The following CHST11 variants were observed in gnomAD, a reference collection of about 807,000 sequenced individuals.
CHST11 encodes C4S-1.
CHST11 carries 9 observed loss-of-function variants against 30.4 expected under a neutral mutation model. The observed-to-expected ratio is 0.30, with a 90% CI of 0.18 to 0.52. CHST11 has a LOEUF of 0.52. CHST11 is among the 20% of genes least tolerant of loss of function. CHST11 has a pLI of 0.97. For missense variants in CHST11, 348 were observed against 460.6 expected (o/e 0.76, Z 2.24); for synonymous variants, 152 against 187.8 (o/e 0.81, Z 1.56).
At chr12:104,470,627 A>G (rs1185825607) in intron 1 of CHST11, among the ~76,000 whole-genome samples, 2 of 152,202 alleles carry the variant, frequency 1.3e-5, no homozygotes, top group Admixed American at 1.3e-4. Context: ...CTTACCAAAT[A>G]CTTGCTCTGT....
At chr12:104,504,799 C>A (rs2037887362) in intron 1 of CHST11, among the ~76,000 whole-genome samples, 1 of 152,034 alleles carries the variant, frequency 6.6e-6, no homozygotes, top group African/African-American at 2.4e-5. Flanking sequence ...GACACCCATC[C>A]CCCTGTCTTG....
At position 104,757,241 on chromosome 12, in the gene CHST11, A is replaced by G; in HGVS notation, c.497A>G (p.Gln166Arg). Residue 166 changes from glutamine (Q) to arginine (R), a missense_variant, in exon 3 of 3, where the codon CAG (glutamine) becomes CGG (arginine). Gln to Arg is a conservative substitution (Grantham distance 43). This residue lies in a region of CHST11 where 210 missense variants were observed against 287.2 expected (regional missense o/e 0.73). Transcript: ENST00000303694. This position sits in a 1 kb window ranked among gnomAD's most constrained non-coding sequence, Gnocchi z 6.5. ...HVSANLKTLN[Q>R]YSIPEINHRL... Reference sequence around the variant, plus strand: ...TCCGCCAACCTGAAGACCCTGAACCAGTACAGCATCCCAGAAATCAACCAC... The same window carrying G: ...TCCGCCAACCTGAAGACCCTGAACCGGTACAGCATCCCAGAAATCAACCAC... 6.2e-7 allele frequency: 1 copy of G among 1,614,154 alleles called. No homozygotes were observed. Among genetic ancestry groups the G allele is most frequent in the Non-Finnish European group, 8.5e-7 (1 of 1,180,014 alleles).
rs1043310268 is a variant in CHST11 at position 104,758,637 on chromosome 12, T to G, written c.*834T>G. On this transcript the variant is annotated 3_prime_UTR_variant, in exon 3 of 3. Coordinates refer to ENST00000303694, the MANE Select transcript of CHST11 (RefSeq NM_018413.6). ...TAGTCTTGGCCCTCAAAAAGCTTTATGTGACATAGAGCATCCAGCTCGACA... is the reference window on the plus strand; with the variant it reads ...TAGTCTTGGCCCTCAAAAAGCTTTAGGTGACATAGAGCATCCAGCTCGACA... 6.6e-6 allele frequency: 1 copy of G among 152,206 alleles called. No individual in the cohort carries two copies. The highest frequency in any genetic ancestry group is 2.4e-5 in the African/African-American group (1 of 41,450). 9.4% of individuals were successfully genotyped at this position (152,206 alleles called of 1,614,324 possible). A position where few individuals can be genotyped will look rare whatever the true frequency, so the allele number is the denominator to read the frequency against.
At chr12:104,517,717 C>T (rs572854487) in intron 1 of CHST11, among the ~76,000 whole-genome samples, 4 of 152,226 alleles carry the variant, frequency 2.6e-5, no homozygotes, top group East Asian at 3.9e-4. Flanking sequence ...GCCTCAAAAG[C>T]GACCTGGGAA....
chr12:104,613,923 G>T (rs1480150785), intron 2 of CHST11, among the ~76,000 whole-genome samples: 1 of 152,174 alleles, frequency 6.6e-6, no homozygotes, highest in Non-Finnish European at 1.5e-5. Flanking sequence ...TGGTCAAGGG[G>T]TACAAAGTTT....
chr12:104,583,336 C>T (rs2038766807), intron 1 of CHST11, among the ~76,000 whole-genome samples: 1 of 152,164 alleles, frequency 6.6e-6, no homozygotes, highest in South Asian at 2.1e-4. Flanking sequence ...TGATCCCATT[C>T]CATATCTTTG....
At chr12:104,475,933 T>A (rs2037556295) in intron 1 of CHST11, among the ~76,000 whole-genome samples, 1 of 143,534 alleles carries the variant, frequency 7.0e-6, no homozygotes, top group African/African-American at 2.5e-5. Context: ...TAGAAGCGGG[T>A]CCCTTATATT....
rs55789725 is a variant in CHST11, at chr12:104,686,232, T to TA, written c.205-70700dup. Among the ~76,000 whole-genome samples, 90 of 99,134 alleles carry TA rather than the reference T, an allele frequency of 9.1e-4. 2 individuals are homozygous for TA. Among genetic ancestry groups the TA allele is most frequent in the South Asian group, 1.8e-3 (5 of 2,718 alleles). 65.0% of individuals were successfully genotyped at this position (99,134 alleles called of 152,430 possible). ...GATCACAAAGGGAGAACTCACCTCT[T>TA]AAAAAAAAAAAAAAAAAGACAACAT... On this transcript the variant is annotated intron_variant, in intron 2 of 2. Coordinates refer to ENST00000303694, the MANE Select transcript of CHST11 (RefSeq NM_018413.6).
rs560211538 is a variant in CHST11 at position 104,564,815 on chromosome 12, G to C, written c.119-37091G>C. Among the ~76,000 whole-genome samples, 3 of 152,306 alleles carry C rather than the reference G, an allele frequency of 2.0e-5. No individual in the cohort carries two copies. The East Asian group carries it at 5.8e-4, about 29-fold the overall frequency. ...CTCACAGTTCCACATGGCTGGGGAG[G>C]CCTCACAATGATGGTGGAAGGTGAA... is the stretch of plus-strand genomic sequence containing the variant. On this transcript the variant is annotated intron_variant, in intron 1 of 2. Transcript: ENST00000303694.
chr12:104,470,557 C>T (rs1213391915), intron 1 of CHST11, among the ~76,000 whole-genome samples: 1 of 152,100 alleles, frequency 6.6e-6, no homozygotes, highest in Non-Finnish European at 1.5e-5. Flanking sequence ...ATATCAAACC[C>T]TTATTTGATT....
intron 1 of CHST11, among the ~76,000 whole-genome samples, chr12:104,523,665 T>C (rs913996130): frequency 6.6e-6 from 1 of 152,216 alleles, no homozygotes; most frequent in Non-Finnish European, 1.5e-5. Flanking sequence ...TATGTAAAAA[T>C]GCTTTTGTAA....
At chr12:104,756,801 C>A in intron 2 of CHST11, 148 bp from the exon 3 acceptor site, 1 of 914,700 alleles carries the variant, frequency 1.1e-6, no homozygotes, top group Non-Finnish European at 1.6e-6. Context: ...CCTGCCTCAG[C>A]TTCCCAGAGT....
At chr12:104,482,042 G>T (rs556345402) in intron 1 of CHST11, among the ~76,000 whole-genome samples, 129 of 151,834 alleles carry the variant, frequency 8.5e-4, no homozygotes, top group African/African-American at 3.0e-3. Flanking sequence ...GTAGAGACAG[G>T]GTTTCACCAT....
At chr12:104,475,406 G>A (rs1040674480) in intron 1 of CHST11, among the ~76,000 whole-genome samples, 3 of 151,822 alleles carry the variant, frequency 2.0e-5, no homozygotes, top group African/African-American at 4.8e-5. Context: ...CTTGACAGAG[G>A]AAGGAACATT....
chr12:104,694,221 A>G (rs1466297861), intron 2 of CHST11, among the ~76,000 whole-genome samples: 1 of 152,272 alleles, frequency 6.6e-6, no homozygotes, highest in East Asian at 1.9e-4. Context: ...CCCAAGAGCC[A>G]GCAAAAACCC....
At chr12:104,653,195 T>TATAG (rs1337498842) in intron 2 of CHST11, among the ~76,000 whole-genome samples, 1 of 152,140 alleles carries the variant, frequency 6.6e-6, no homozygotes, top group Non-Finnish European at 1.5e-5. Flanking sequence ...TACTTTCTGT[T>TATAG]TCTATGAGTT....
At chr12:104,577,590 C>G (rs1007855615) in intron 1 of CHST11, among the ~76,000 whole-genome samples, 5 of 149,816 alleles carry the variant, frequency 3.3e-5, no homozygotes, top group Non-Finnish European at 7.4e-5. Flanking sequence ...ACGTTTAACA[C>G]TTCATTTCTA....
chr12:104,637,672 A>C (rs184554882), intron 2 of CHST11, among the ~76,000 whole-genome samples: 1 of 152,278 alleles, frequency 6.6e-6, no homozygotes, highest in Admixed American at 6.5e-5. Context: ...CCTGGCACTC[A>C]AAGCTGGTCA....
At chr12:104,685,813 T>G (rs181261780) in intron 2 of CHST11, among the ~76,000 whole-genome samples, 23 of 152,368 alleles carry the variant, frequency 1.5e-4, no homozygotes, top group Middle Eastern at 6.8e-3. Flanking sequence ...ACATGTGTTC[T>G]CTGCCTATTC....
Sources: allele counts gnomAD v4.1 joint callset (sites outside exome capture counted in the v4.1 genomes callset), GRCh38; gene constraint gnomAD v4.1.1; regional missense constraint gnomAD v4.1.1; non-coding constraint Gnocchi (gnomAD v3.1); transcripts MANE v1.5; gene names NCBI Gene and HGNC (gene_info 2026-07-23, HGNC 2026-07-21).